The following INPP4B variants were observed in gnomAD, a reference collection of about 807,000 sequenced individuals.
INPP4B encodes inositol polyphosphate-4-phosphatase type II B.
Under a neutral mutation model 122.5 loss-of-function variants are expected in INPP4B, and 55 were observed. The observed-to-expected ratio is 0.45, with a 90% CI of 0.36 to 0.56. INPP4B has a LOEUF of 0.56. Among genes scored for constraint, INPP4B ranks in the 20% least tolerant of loss-of-function variants. The pLI is 0.00. For synonymous variants in INPP4B, 403 were observed against 388.7 expected, an observed-to-expected ratio of 1.04 and a Z score of -0.43; for missense variants, 1,000 against 1,097.7, an observed-to-expected ratio of 0.91 and a Z score of 1.26.
chr4:142,267,710 A>G (rs1743515217), intron 10 of INPP4B, among the ~76,000 whole-genome samples: 1 of 152,208 alleles, frequency 6.6e-6, no homozygotes, highest in Admixed American at 6.5e-5. Flanking sequence ...AAGCAAAAAT[A>G]AGCAAATGGC....
intron 9 of INPP4B, 21 bp from the exon 10 acceptor site, chr4:142,270,795 A>C (rs1315185239): frequency 6.6e-7 from 1 of 1,507,606 alleles, no homozygotes. Context: ...AAATACACGA[A>C]ATGGAAAGGT....
intron 2 of INPP4B, among the ~76,000 whole-genome samples, chr4:142,547,846 C>A (rs1203967050): frequency 6.6e-6 from 1 of 152,150 alleles, no homozygotes; most frequent in Non-Finnish European, 1.5e-5. Context: ...ATACCTTGGT[C>A]TCTTCTTAAG....
intron 23 of INPP4B, among the ~76,000 whole-genome samples, chr4:142,098,775 T>TTTA (rs1158671625): frequency 2.0e-5 from 3 of 151,988 alleles, no homozygotes; most frequent in Non-Finnish European, 4.4e-5. Flanking sequence ...AAGATTAAGG[T>TTTA]GTTAAGCAGG....
intron 2 of INPP4B, among the ~76,000 whole-genome samples, chr4:142,650,487 A>G (rs922184493): frequency 7.9e-5 from 12 of 152,108 alleles, no homozygotes; most frequent in African/African-American, 2.9e-4. Flanking sequence ...AGGTACAGAG[A>G]CACATATAGG....
chr4:142,836,829 A>G (rs1317476845), intron 1 of INPP4B, among the ~76,000 whole-genome samples: 1 of 152,052 alleles, frequency 6.6e-6, no homozygotes, highest in East Asian at 1.9e-4. Flanking sequence ...ATAAATGACA[A>G]CGGGTCAGTA....
At chr4:142,472,066 T>C (rs574555183) in intron 2 of INPP4B, among the ~76,000 whole-genome samples, 1 of 152,308 alleles carries the variant, frequency 6.6e-6, no homozygotes, top group Non-Finnish European at 1.5e-5. Context: ...AATTCCTTTT[T>C]CCTTTAAACT....
At chr4:142,834,976 G>GATAA in intron 1 of INPP4B, among the ~76,000 whole-genome samples, 1 of 152,312 alleles carries the variant, frequency 6.6e-6, no homozygotes, top group African/African-American at 2.4e-5. Flanking sequence ...GTTTTCATTT[G>GATAA]TTGCTGAGCT....
In INPP4B at chr4:142,160,654, GT is replaced by G. The variant is rs531471118; in HGVS notation, c.1360-94del. ...CAATTGCAGATTTGTTGGTACTTAA[GT>G]GGTGTGTATGGTGGAAAAAGTACAG... On this transcript the variant is annotated intron_variant, in intron 16 of 25. Coordinates refer to ENST00000262992, the MANE Select transcript of INPP4B (RefSeq NM_001101669.3). The G allele has an allele frequency of 7.1e-4, 625 of 880,418 alleles. 6 individuals are homozygous for G. The African/African-American group carries it at 8.0e-3, about 11-fold the overall frequency. The allele number at this position is 880,418 out of a possible 1,614,324, so 54.5% of individuals were successfully genotyped here. A position where few individuals can be genotyped will look rare whatever the true frequency, so the allele number is the denominator to read the frequency against.
chr4:142,765,882 A>G (rs1358283548), intron 1 of INPP4B: 2 of 151,862 alleles, frequency 1.3e-5, no homozygotes, highest in Non-Finnish European at 2.9e-5. Flanking sequence ...ATGTAAGTCA[A>G]TGTATCATTA....
intron 2 of INPP4B, among the ~76,000 whole-genome samples, chr4:142,582,304 C>T (rs552400127): frequency 4.2e-4 from 64 of 151,988 alleles, no homozygotes; most frequent in Non-Finnish European, 6.8e-4. Flanking sequence ...AATTTGTATC[C>T]TACATTTATT....
intron 2 of INPP4B, among the ~76,000 whole-genome samples, chr4:142,624,040 T>C (rs1745653400): frequency 6.6e-6 from 1 of 152,028 alleles, no homozygotes; most frequent in South Asian, 2.1e-4. Context: ...CGTGTGCATG[T>C]GTCTTTAAAG....
At chr4:142,395,476 G>A (rs971865138) in intron 7 of INPP4B, among the ~76,000 whole-genome samples, 4 of 152,048 alleles carry the variant, frequency 2.6e-5, no homozygotes, top group African/African-American at 4.8e-5. Flanking sequence ...AACAAAATCC[G>A]AGAGTTGACA....
chr4:142,755,386 C>T (rs1477135645), intron 1 of INPP4B, among the ~76,000 whole-genome samples: 2 of 151,952 alleles, frequency 1.3e-5, no homozygotes, highest in Non-Finnish European at 1.5e-5. Context: ...GCTTCACTAT[C>T]CAGCTCATTG....
intron 2 of INPP4B, among the ~76,000 whole-genome samples, chr4:142,511,107 C>T (rs561981662): frequency 6.6e-6 from 1 of 152,236 alleles, no homozygotes; most frequent in East Asian, 1.9e-4. Context: ...ATGAGCTCCA[C>T]AGGGCACATT....
intron 25 of INPP4B, among the ~76,000 whole-genome samples, chr4:142,047,478 C>G (rs1849061): frequency 0.89 from 134,913 of 152,038 alleles, 61,475 homozygotes; most frequent in Non-Finnish European, 0.98. Context: ...ATTTAGAAGG[C>G]ACCCTTAGAG....
intron 7 of INPP4B, among the ~76,000 whole-genome samples, chr4:142,342,756 T>C (rs1779102247): frequency 1.3e-5 from 2 of 152,196 alleles, no homozygotes; most frequent in South Asian, 4.1e-4. Flanking sequence ...AAAGCATTCA[T>C]GTTCCTTAAT....
At chr4:142,436,386 C>A (rs1296057420) in intron 3 of INPP4B, among the ~76,000 whole-genome samples, 1 of 152,202 alleles carries the variant, frequency 6.6e-6, no homozygotes, top group Non-Finnish European at 1.5e-5. Flanking sequence ...GTGCAGCACA[C>A]CCCCTCCACC....
intron 2 of INPP4B, chr4:142,566,220 G>A (rs565055393): frequency 6.6e-6 from 1 of 152,312 alleles, no homozygotes; most frequent in Non-Finnish European, 1.5e-5. Context: ...GGGTGGAAAT[G>A]AAAGCTATGG....
intron 9 of INPP4B, among the ~76,000 whole-genome samples, chr4:142,287,990 A>G (rs1579606158): frequency 6.6e-6 from 1 of 152,144 alleles, no homozygotes; most frequent in African/African-American, 2.4e-5. Context: ...GGAGAGAGTA[A>G]GCTCTCAGGT....
Sources: gnomAD v4.1 joint callset for allele counts (sites outside exome capture counted in the v4.1 genomes callset) on GRCh38, gnomAD v4.1.1 for gene constraint, MANE v1.5 for transcripts, NCBI Gene and HGNC (gene_info 2026-07-23, HGNC 2026-07-21) for gene names.